Variants in KCNIP4 observed in about 807,000 individuals in gnomAD.
KCNIP4 encodes potassium voltage-gated channel interacting protein 4.
Under a neutral mutation model 34.0 loss-of-function variants are expected in KCNIP4, and 12 were observed. The observed-to-expected ratio is 0.35, with a 90% CI of 0.23 to 0.57. KCNIP4 has a LOEUF of 0.57. KCNIP4 is among the 20% of genes least tolerant of loss of function. KCNIP4 has a pLI of 0.83. For missense variants in KCNIP4, 238 were observed against 311.7 expected (o/e 0.76, Z 1.78); for synonymous variants, 124 against 102.2 (o/e 1.21, Z -1.29).
intron 1 of KCNIP4, among the ~76,000 whole-genome samples, chr4:21,258,833 A>T (rs180672476): frequency 6.6e-6 from 1 of 152,276 alleles, no homozygotes; most frequent in African/African-American, 2.4e-5. Flanking sequence ...ATTTGCATAA[A>T]GCTGTCTCAT....
intron 1 of KCNIP4, among the ~76,000 whole-genome samples, chr4:21,553,728 A>C (rs1023816544): frequency 8.6e-5 from 13 of 152,014 alleles, no homozygotes; most frequent in Non-Finnish European, 1.2e-4. Context: ...AATGAAACAA[A>C]GTTCTTTGTG....
intron 1 of KCNIP4, among the ~76,000 whole-genome samples, chr4:21,881,615 T>C (rs1280229986): frequency 6.6e-6 from 1 of 152,164 alleles, no homozygotes; most frequent in Non-Finnish European, 1.5e-5. Context: ...CACACGTTGA[T>C]ACGCACACAG....
intron 1 of KCNIP4, among the ~76,000 whole-genome samples, chr4:21,367,789 CAT>C (rs1458220071): frequency 6.8e-6 from 1 of 147,454 alleles, no homozygotes; most frequent in East Asian, 2.0e-4. Flanking sequence ...TTTAAGTCTA[CAT>C]ATGCAAAGGC....
chr4:21,411,968 G>C (rs1724548608), intron 1 of KCNIP4, among the ~76,000 whole-genome samples: 1 of 152,168 alleles, frequency 6.6e-6, no homozygotes, highest in Non-Finnish European at 1.5e-5. Context: ...CTCATCAAAG[G>C]AGGAAGAGGA....
intron 1 of KCNIP4, among the ~76,000 whole-genome samples, chr4:21,618,526 T>C (rs200169378): frequency 6.6e-6 from 1 of 151,998 alleles, no homozygotes; most frequent in East Asian, 1.9e-4. Flanking sequence ...CTCTTGGTTT[T>C]TGCATTCTCT....
intron 1 of KCNIP4, among the ~76,000 whole-genome samples, chr4:21,763,480 C>T (rs1434395575): frequency 6.6e-6 from 1 of 152,030 alleles, no homozygotes; most frequent in Non-Finnish European, 1.5e-5. Flanking sequence ...CTAATAAAAA[C>T]AACAATGTCT....
At chr4:21,479,302 T>G (rs1731236294) in intron 1 of KCNIP4, among the ~76,000 whole-genome samples, 1 of 152,172 alleles carries the variant, frequency 6.6e-6, no homozygotes, top group African/African-American at 2.4e-5. Context: ...AGGTATAAAA[T>G]GTAATAAATA....
chr4:20,996,692 C>G (rs1403694756), intron 1 of KCNIP4, among the ~76,000 whole-genome samples: 1 of 152,178 alleles, frequency 6.6e-6, no homozygotes, highest in Admixed American at 6.5e-5. Context: ...TCACCACTCC[C>G]TGGTTCCTCT....
At chr4:21,043,789 A>G (rs1164765555) in intron 1 of KCNIP4, among the ~76,000 whole-genome samples, 3 of 152,190 alleles carry the variant, frequency 2.0e-5, no homozygotes, top group Admixed American at 6.5e-5. Flanking sequence ...AATGCTTTGC[A>G]TCCATTATGT....
At chr4:21,257,312 A>T (rs1486319562) in intron 1 of KCNIP4, among the ~76,000 whole-genome samples, 2 of 152,140 alleles carry the variant, frequency 1.3e-5, no homozygotes, top group African/African-American at 4.8e-5. Context: ...TCATTCATTC[A>T]TGTTTTGTTT....
At chr4:21,046,909 A>G (rs1286270491) in intron 1 of KCNIP4, among the ~76,000 whole-genome samples, 2 of 152,162 alleles carry the variant, frequency 1.3e-5, no homozygotes, top group African/African-American at 2.4e-5. Flanking sequence ...TAGCTAATTT[A>G]TATACTTTTA....
intron 1 of KCNIP4, among the ~76,000 whole-genome samples, chr4:21,171,482 A>G (rs1357805073): frequency 6.6e-6 from 1 of 152,220 alleles, no homozygotes; most frequent in East Asian, 1.9e-4. Context: ...ATTGTACTTT[A>G]TAAAATAATT....
At chr4:21,787,719 T>C (rs188172017) in intron 1 of KCNIP4, among the ~76,000 whole-genome samples, 1 of 152,336 alleles carries the variant, frequency 6.6e-6, no homozygotes, top group African/African-American at 2.4e-5. Context: ...TGAAACCATA[T>C]TGGGCAGATC....
At chr4:21,788,243 C>A (rs2323108) in intron 1 of KCNIP4, among the ~76,000 whole-genome samples, 17,382 of 149,808 alleles carry the variant, frequency 0.12, 2,972 homozygotes, top group African/African-American at 0.37. Context: ...AAGCAATGGA[C>A]AATATAAACA....
chr4:20,876,969 C>G (rs557554170), intron 2 of KCNIP4, among the ~76,000 whole-genome samples: 2 of 152,312 alleles, frequency 1.3e-5, no homozygotes, highest in Admixed American at 1.3e-4. Context: ...GATCACAACA[C>G]CTGGCTCCTA....
intron 1 of KCNIP4, among the ~76,000 whole-genome samples, chr4:21,570,856 T>A (rs941309944): frequency 6.6e-6 from 1 of 152,134 alleles, no homozygotes; most frequent in East Asian, 1.9e-4. Context: ...AACAACACTA[T>A]ACAGCAGCTG....
chr4:21,196,409 A>G (rs994908062), intron 1 of KCNIP4, among the ~76,000 whole-genome samples: 14 of 152,186 alleles, frequency 9.2e-5, no homozygotes, highest in African/African-American at 3.1e-4. Context: ...ACTTGATAGG[A>G]CACAACCTCT....
rs571906309 is a variant in KCNIP4 at position 20,976,782 on chromosome 4, A to G, written c.62-94073T>C. Among the ~76,000 whole-genome samples, 5 of 152,324 alleles carry G rather than the reference A, an allele frequency of 3.3e-5. 1 individual carries two copies. Among genetic ancestry groups the G allele is most frequent in the African/African-American group, 9.6e-5 (4 of 41,576 alleles). Reference sequence around the variant, plus strand: ...CACTGTGGACCCATGGTTGATCAATATAACAACAAGAGCACTCTATAATCA... The same window carrying G: ...CACTGTGGACCCATGGTTGATCAATGTAACAACAAGAGCACTCTATAATCA... On this transcript the variant is annotated intron_variant, in intron 1 of 8. Transcript: ENST00000382152.
At chr4:21,620,948 G>A (rs1412203147) in intron 1 of KCNIP4, among the ~76,000 whole-genome samples, 2 of 152,168 alleles carry the variant, frequency 1.3e-5, no homozygotes, top group Non-Finnish European at 2.9e-5. Context: ...GCTGATTGTT[G>A]TTTTCCTGAG....
Sources: allele counts gnomAD v4.1 joint callset (sites outside exome capture counted in the v4.1 genomes callset), GRCh38; gene constraint gnomAD v4.1.1; transcripts MANE v1.5; gene names NCBI Gene and HGNC (gene_info 2026-07-23, HGNC 2026-07-21).